Variants in C17orf67 observed in about 807,000 individuals in gnomAD.
C17orf67 encodes the protein uncharacterized protein C17orf67.
Under a neutral mutation model 11.2 loss-of-function variants are expected in C17orf67, and 12 were observed. The observed-to-expected ratio is 1.07, with a 90% CI of 0.68 to 1.73. The LOEUF is 1.73. C17orf67 is among the 40% of genes most tolerant of loss of function. The pLI, the probability that C17orf67 is intolerant of heterozygous loss-of-function variation, is 0.00. For synonymous variants in C17orf67, 59 were observed against 46.9 expected (o/e 1.26, Z -1.05); for missense variants, 115 against 113.5 (o/e 1.01, Z -0.06).
intron 5 of C17orf67, 118 bp from the exon 6 acceptor site, chr17:56,815,087 T>C: frequency 1.2e-6 from 1 of 838,396 alleles, no homozygotes; most frequent in Non-Finnish European, 2.0e-6. Flanking sequence ...GAAAGTTCTT[T>C]CCCGGGGACC....
chr17:56,809,625 C>A (rs1397302870), intron 6 of C17orf67, among the ~76,000 whole-genome samples: 7 of 139,848 alleles, frequency 5.0e-5, no homozygotes, highest in African/African-American at 1.6e-4. Flanking sequence ...GCACACACAC[C>A]CACACACACA....
intron 6 of C17orf67, among the ~76,000 whole-genome samples, chr17:56,800,092 G>A (rs1597988218): frequency 7.6e-6 from 1 of 130,844 alleles, no homozygotes; most frequent in Non-Finnish European, 1.6e-5. Context: ...TTGAGACGGA[G>A]TCTCGCTCTG....
chr17:56,824,082 G>A (rs943873596), intron 4 of C17orf67, among the ~76,000 whole-genome samples: 8 of 152,210 alleles, frequency 5.3e-5, no homozygotes, highest in Non-Finnish European at 2.9e-5. Context: ...ATGGTGTTGG[G>A]AGGTGGGGCC....
chr17:56,792,581 G>T (rs960058949), intron 7 of C17orf67, among the ~76,000 whole-genome samples: 1 of 149,406 alleles, frequency 6.7e-6, no homozygotes, highest in African/African-American at 2.5e-5. Context: ...GGTGATTGTG[G>T]TGATGGTAAT....
chr17:56,826,991 TGTGCAATGCTTGGCACATA>T (rs1231052307), intron 2 of C17orf67, among the ~76,000 whole-genome samples: 3 of 152,270 alleles, frequency 2.0e-5, no homozygotes, highest in Non-Finnish European at 2.9e-5. Context: ...CTGCACAAGC[TGTGCAATGCTTGGCACATA>T]GTTAAGTGCT....
intron 6 of C17orf67, among the ~76,000 whole-genome samples, chr17:56,813,808 T>C (rs1905688976): frequency 6.6e-6 from 1 of 151,312 alleles, no homozygotes; most frequent in African/African-American, 2.4e-5. Flanking sequence ...AAAATAATTA[T>C]TTTACATTAT....
chr17:56,818,104 A>G (rs1176137168), intron 4 of C17orf67, among the ~76,000 whole-genome samples: 4 of 152,122 alleles, frequency 2.6e-5, no homozygotes, highest in African/African-American at 7.2e-5. Context: ...TTGGCCTCCA[A>G]AAATGCTTGA....
intron 7 of C17orf67, among the ~76,000 whole-genome samples, chr17:56,792,912 G>A (rs866776505): frequency 4.9e-5 from 4 of 81,408 alleles, no homozygotes; most frequent in Admixed American, 1.1e-4. Flanking sequence ...GGTGATGGTG[G>A]TGGTGATGAT....
chr17:56,822,746 A>C (rs1002714315), intron 4 of C17orf67, among the ~76,000 whole-genome samples: 1 of 152,226 alleles, frequency 6.6e-6, no homozygotes, highest in African/African-American at 2.4e-5. Context: ...AATATGGTTC[A>C]TTTCTAATGT....
intron 2 of C17orf67, among the ~76,000 whole-genome samples, chr17:56,828,319 C>T (rs996474760): frequency 2.0e-5 from 3 of 151,590 alleles, no homozygotes; most frequent in Non-Finnish European, 4.4e-5. Flanking sequence ...GTAGGAGAAT[C>T]GCTTGAACCC....
At chr17:56,806,599 A>G (rs1158002598) in intron 6 of C17orf67, among the ~76,000 whole-genome samples, 1 of 152,110 alleles carries the variant, frequency 6.6e-6, no homozygotes, top group Non-Finnish European at 1.5e-5. Context: ...ATCATAGCTC[A>G]CTTCAGCCTT....
chr17:56,815,619 G>A, intron 5 of C17orf67, 137 bp downstream of exon 5: 2 of 654,050 alleles, frequency 3.1e-6, no homozygotes, highest in Non-Finnish European at 2.0e-6. Flanking sequence ...CTACTCTTAT[G>A]GAAAAATAAG....
At chr17:56,802,707 A>G (rs1013539817) in intron 6 of C17orf67, among the ~76,000 whole-genome samples, 1 of 152,228 alleles carries the variant, frequency 6.6e-6, no homozygotes, top group Admixed American at 6.5e-5. Flanking sequence ...ACTATTAGAT[A>G]ACAAAGATCT....
chr17:56,833,746 C>A lies in C17orf67; in HGVS notation c.-1130G>T, dbSNP rs1247441610. ...CTAGAGGTTCGGCTCAAGTCGGGGG[C>A]ACTCGTGTCTGCGCCGAGCGGCGGG... On this transcript the variant is annotated 5_prime_UTR_variant, in exon 1 of 8. Coordinates refer to ENST00000397861, the MANE Select transcript of C17orf67 (RefSeq NM_001085430.4). 1.3e-5 allele frequency: 2 copies of A among 151,880 alleles called. No homozygotes were observed. Among genetic ancestry groups the A allele is most frequent in the East Asian group, 3.9e-4 (2 of 5,136 alleles). The allele number at this position is 151,880 out of a possible 1,614,324, so 9.4% of individuals were successfully genotyped here.
intron 4 of C17orf67, among the ~76,000 whole-genome samples, chr17:56,818,143 T>C (rs1372643545): frequency 6.6e-6 from 1 of 150,814 alleles, no homozygotes; most frequent in Non-Finnish European, 1.5e-5. Context: ...CACGTGCAGC[T>C]AGTAGCATTA....
chr17:56,803,070 T>C (rs1167222215), intron 6 of C17orf67, among the ~76,000 whole-genome samples: 1 of 152,228 alleles, frequency 6.6e-6, no homozygotes, highest in African/African-American at 2.4e-5. Flanking sequence ...AAAATGCCAG[T>C]TGCCCTGAAG....
intron 2 of C17orf67, among the ~76,000 whole-genome samples, chr17:56,830,685 C>G (rs897088409): frequency 6.6e-6 from 1 of 152,112 alleles, no homozygotes; most frequent in Non-Finnish European, 1.5e-5. Flanking sequence ...CAAAAGTAAC[C>G]TGAATTAAAC....
At chr17:56,826,980 T>G (rs745940473) in intron 2 of C17orf67, among the ~76,000 whole-genome samples, 1 of 152,264 alleles carries the variant, frequency 6.6e-6, no homozygotes, top group Non-Finnish European at 1.5e-5. Context: ...GGCCTGGCGC[T>G]CTGCACAAGC....
chr17:56,822,333 C>A (rs1018259925), intron 4 of C17orf67, among the ~76,000 whole-genome samples: 1 of 152,128 alleles, frequency 6.6e-6, no homozygotes, highest in Non-Finnish European at 1.5e-5. Flanking sequence ...ACTGTGTAGG[C>A]AGTGTGGTAT....
Sources: allele counts gnomAD v4.1 joint callset (sites outside exome capture counted in the v4.1 genomes callset), GRCh38; gene constraint gnomAD v4.1.1; transcripts MANE v1.5; gene names NCBI Gene and HGNC (gene_info 2026-07-23, HGNC 2026-07-21).